Variants in PRSS12 observed in about 807,000 individuals in gnomAD.
PRSS12 encodes serine protease 12, also known as neurotrypsin.
A neutral mutation model predicts 104.4 loss-of-function variants in PRSS12; 85 were observed. The observed-to-expected ratio is 0.81, with a 90% CI of 0.68 to 0.98. The LOEUF is 0.98. PRSS12 is among the 50% of genes least tolerant of loss of function. PRSS12 has a pLI of 0.00. For synonymous variants in PRSS12, 454 were observed against 425.2 expected, an observed-to-expected ratio of 1.07 and a Z score of -0.83; for missense variants, 1,141 against 1,139.2, an observed-to-expected ratio of 1.00 and a Z score of -0.02.
intron 1 of PRSS12, 117 bp from the exon 2 acceptor site, chr4:118,338,431 G>A (rs1724115379): frequency 7.7e-7 from 1 of 1,293,392 alleles, no homozygotes. Flanking sequence ...CAGGCAGAAT[G>A]ATTTAGCCTC....
At chr4:118,325,671 G>A (rs1723752204) in intron 4 of PRSS12, among the ~76,000 whole-genome samples, 1 of 152,024 alleles carries the variant, frequency 6.6e-6, no homozygotes, top group Non-Finnish European at 1.5e-5. Context: ...TTACAATACT[G>A]AGGAAATCAA....
In PRSS12 at chr4:118,282,021, T is replaced by TACC. The variant is rs773463725; in HGVS notation, c.2540_2542dup (p.Gly847_Tyr848insTrp). Reference sequence around the variant, plus strand: ...AGGAGAATCCTTGACTCCACAGCCATACCCCCAGGAGGTCACCCCATACAC... The same window carrying TACC: ...AGGAGAATCCTTGACTCCACAGCCATACCACCCCCAGGAGGTCACCCCATACAC... On this transcript the variant is annotated inframe_insertion, in exon 13 of 13. Transcript: ENST00000296498. The TACC allele has an allele frequency of 6.2e-7, 1 of 1,611,368 alleles. No homozygotes were observed. The highest frequency in any genetic ancestry group is 1.1e-5 in the South Asian group (1 of 91,024).
chr4:118,348,721 G>A (rs752840031), intron 1 of PRSS12, among the ~76,000 whole-genome samples: 7 of 150,464 alleles, frequency 4.7e-5, no homozygotes, highest in African/African-American at 1.2e-4. Context: ...GCGTGAGTTC[G>A]GCTCACTACA....
At chr4:118,340,781 A>G (rs1468936069) in intron 1 of PRSS12, among the ~76,000 whole-genome samples, 1 of 152,210 alleles carries the variant, frequency 6.6e-6, no homozygotes, top group African/African-American at 2.4e-5. Flanking sequence ...CCAAAGCTAT[A>G]GGAGATACTG....
At chr4:118,301,631 G>C (rs569879760) in intron 8 of PRSS12, among the ~76,000 whole-genome samples, 1 of 152,152 alleles carries the variant, frequency 6.6e-6, no homozygotes. Flanking sequence ...TCATTGATAA[G>C]GTCTTCTAGC....
rs1231456239 is a variant in PRSS12, at chr4:118,352,440, G to T, written c.281C>A (p.Pro94His). The T allele has an allele frequency of 7.7e-5, 115 of 1,492,138 alleles. No homozygotes were observed. The highest frequency in any genetic ancestry group is 1.0e-4 in the Non-Finnish European group (112 of 1,124,530). 92.4% of individuals were successfully genotyped at this position (1,492,138 alleles called of 1,614,324 possible). ...CACGCTGACCCATGGCTCGCCGGCG[G>T]GGCAGCCCCAGGGGTGCGGCCGGGG... ...HTPRPHPWGC[P>H]AGEPWVSVTD... is the part of the protein sequence containing the mutation. The change falls in exon 1 of 13, where the codon CCC becomes CAC. Residue 94 changes from proline (P) to histidine (H), a missense_variant. By Grantham distance (77) the Pro-to-His change is moderately conservative (BLOSUM62 -2). Coordinates refer to ENST00000296498, the MANE Select transcript of PRSS12 (RefSeq NM_003619.4).
chr4:118,283,373 CA>C (rs1248838881), intron 11 of PRSS12, among the ~76,000 whole-genome samples: 1 of 152,160 alleles, frequency 6.6e-6, no homozygotes, highest in Admixed American at 6.5e-5. Flanking sequence ...AAAGACTAAT[CA>C]TTAATCTGTC....
intron 1 of PRSS12, among the ~76,000 whole-genome samples, chr4:118,345,496 G>C (rs1724334417): frequency 6.6e-6 from 1 of 152,034 alleles, no homozygotes; most frequent in Non-Finnish European, 1.5e-5. Context: ...AAGGAGAGAG[G>C]CTTCAAAGGA....
intron 11 of PRSS12, among the ~76,000 whole-genome samples, chr4:118,294,090 T>C (rs571284894): frequency 6.6e-6 from 1 of 152,330 alleles, no homozygotes; most frequent in South Asian, 2.1e-4. Flanking sequence ...GTATGTACCG[T>C]ATGATATCAC....
intron 8 of PRSS12, among the ~76,000 whole-genome samples, chr4:118,299,997 C>A (rs1166372903): frequency 2.0e-5 from 3 of 148,738 alleles, no homozygotes; most frequent in African/African-American, 7.4e-5. Context: ...AAAAGAAGTA[C>A]AATTTTTTAT....
At chr4:118,327,505 C>G (rs570009331) in intron 4 of PRSS12, among the ~76,000 whole-genome samples, 4 of 152,016 alleles carry the variant, frequency 2.6e-5, no homozygotes, top group Non-Finnish European at 5.9e-5. Flanking sequence ...TTCTACTACT[C>G]AATAATATGG....
chr4:118,340,809 GT>G (rs1724187104), intron 1 of PRSS12, among the ~76,000 whole-genome samples: 1 of 152,224 alleles, frequency 6.6e-6, no homozygotes, highest in African/African-American at 2.4e-5. Flanking sequence ...TTATGTTCAG[GT>G]TTAACAAAGT....
At chr4:118,298,378 A>C (rs1743303525) in intron 9 of PRSS12, among the ~76,000 whole-genome samples, 1 of 152,078 alleles carries the variant, frequency 6.6e-6, no homozygotes, top group Non-Finnish European at 1.5e-5. Flanking sequence ...CTATATTTTC[A>C]TTTCTTTCCT....
rs751693086 is a variant in PRSS12, at chr4:118,331,860, G to C, written c.827C>G (p.Thr276Arg). ...AVTCSFSHGPTFPIIRLAGGS... is the reference protein window; with the variant it reads ...AVTCSFSHGPRFPIIRLAGGS... ...TCCAGCAAGGCGAATGATGGGGAAC[G>C]TTGGGCCTGTGCAATGTGAAGTTAA... Residue 276 changes from threonine to arginine, a missense_variant, in exon 4 of 13, where the codon ACG (threonine) becomes AGG (arginine). Physicochemically the swap from Thr to Arg is moderately conservative, Grantham distance 71. Transcript: ENST00000296498. 2 of 1,613,980 alleles carry C rather than the reference G, an allele frequency of 1.2e-6. No homozygotes were observed. The highest frequency in any genetic ancestry group is 1.7e-5 in the Admixed American group (1 of 60,018).
chr4:118,352,506 A>G lies in PRSS12; in HGVS notation c.215T>C (p.Leu72Pro), dbSNP rs1724540511. The G allele has an allele frequency of 6.3e-6, 9 of 1,436,028 alleles. No homozygotes were observed. 89.0% of individuals were successfully genotyped at this position (1,436,028 alleles called of 1,614,324 possible). A position where few individuals can be genotyped will look rare whatever the true frequency, so the allele number is the denominator to read the frequency against. ...LPRFPRPPRA[L>P]PAQRPHALQA... ...GAGGGCGTGCGGGCGCTGGGCAGGG[A>G]GCGCCCGCGGGGGGCGCGGGAAGCG... Residue 72 changes from leucine to proline, a missense_variant, in exon 1 of 13, where the codon CTC becomes CCC. By Grantham distance (98) the Leu-to-Pro change is moderately conservative. Coordinates refer to ENST00000296498, the MANE Select transcript of PRSS12 (RefSeq NM_003619.4).
At chr4:118,303,663 C>T (rs752830183) in intron 8 of PRSS12, 1 of 152,088 alleles carries the variant, frequency 6.6e-6, no homozygotes, top group Non-Finnish European at 1.5e-5. Flanking sequence ...ATGTCAAGTG[C>T]TCCTGGTAGA....
At chr4:118,322,276 G>A (rs926147573) in intron 4 of PRSS12, among the ~76,000 whole-genome samples, 2 of 152,122 alleles carry the variant, frequency 1.3e-5, no homozygotes, top group East Asian at 1.9e-4. Flanking sequence ...TAGGCTGGGC[G>A]CCGTGGCTCA....
Position 118,281,604 on chromosome 4 carries a change from A to G in PRSS12, c.*332T>C. The G allele has an allele frequency of 2.8e-6, 1 of 358,010 alleles. No homozygotes were observed. Among genetic ancestry groups the G allele is most frequent in the Non-Finnish European group, 5.3e-6 (1 of 187,714 alleles). 22.2% of individuals were successfully genotyped at this position (358,010 alleles called of 1,614,324 possible). On this transcript the variant is annotated 3_prime_UTR_variant, in exon 13 of 13. Transcript: ENST00000296498. ...TTCAGACACCACTGATTCAATTAAA[A>G]GGGGTTCTCAGTTCAAATGTAAAAA...
At chr4:118,295,520 C>G (rs1743233481) in intron 10 of PRSS12, among the ~76,000 whole-genome samples, 1 of 152,198 alleles carries the variant, frequency 6.6e-6, no homozygotes, top group African/African-American at 2.4e-5. Flanking sequence ...TTCCAGGTCT[C>G]CTGTTAAATT....
Sources: allele counts gnomAD v4.1 joint callset (sites outside exome capture counted in the v4.1 genomes callset), GRCh38; gene constraint gnomAD v4.1.1; transcripts MANE v1.5; gene names NCBI Gene and HGNC (gene_info 2026-07-23, HGNC 2026-07-21).